Variants in THEM6 observed in about 807,000 individuals in gnomAD.
THEM6 encodes protein THEM6.
In THEM6, 10 loss-of-function variants were observed where a neutral mutation model predicts 13.7. The ratio of observed to expected loss-of-function variants is 0.73; its 90% CI spans 0.45 to 1.24. The LOEUF (loss-of-function observed/expected upper bound fraction) is 1.24. Ranked by LOEUF, THEM6 falls within the 50% of genes most tolerant of loss-of-function variation. THEM6 has a pLI of 0.00. For synonymous variants in THEM6, 161 were observed against 156.0 expected (o/e 1.03, Z -0.24); for missense variants, 317 against 312.6 (o/e 1.01, Z -0.11).
At chr8:142,732,207 T>TA (rs1563822652) in intron 1 of THEM6, among the ~76,000 whole-genome samples, 139 of 91,274 alleles carry the variant, frequency 1.5e-3, no homozygotes, top group South Asian at 3.0e-3. Flanking sequence ...TATATATATA[T>TA]TTTAACTACT....
At chr8:142,733,238 C>A (rs779542938) in intron 1 of THEM6, among the ~76,000 whole-genome samples, 1 of 152,242 alleles carries the variant, frequency 6.6e-6, no homozygotes, top group Non-Finnish European at 1.5e-5. Flanking sequence ...GGAAGAGGAA[C>A]AGGCTATGAC....
rs966532049 is a variant in THEM6, at chr8:142,735,828, A to C, written c.*389A>C. 8.8e-5 allele frequency: 20 copies of C among 228,200 alleles called. No homozygotes were observed. Among genetic ancestry groups the C allele is most frequent in the Non-Finnish European group, 1.6e-4 (18 of 111,084 alleles). 14.1% of individuals were successfully genotyped at this position (228,200 alleles called of 1,614,324 possible). On this transcript the variant is annotated 3_prime_UTR_variant, in exon 2 of 2. Transcript: ENST00000336138. ...CCACTGCAAGGGCCGAGGCAGGGCC[A>C]GACCAGAGCATCCTGGGTACAGGCC...
At chr8:142,733,860 A>G (rs983362976) in intron 1 of THEM6, among the ~76,000 whole-genome samples, 3 of 152,190 alleles carry the variant, frequency 2.0e-5, no homozygotes, top group African/African-American at 7.2e-5. Flanking sequence ...ATTCACATTG[A>G]TGCCATCTGG....
intron 1 of THEM6, chr8:142,734,578 C>G (rs777410242): frequency 6.5e-6 from 1 of 152,700 alleles, no homozygotes; most frequent in Non-Finnish European, 1.5e-5. Context: ...AAGAGCTGGG[C>G]TGGGGTGAGT....
At chr8:142,730,213 G>C (rs1554642815) in intron 1 of THEM6, among the ~76,000 whole-genome samples, 1 of 152,160 alleles carries the variant, frequency 6.6e-6, no homozygotes, top group African/African-American at 2.4e-5. Context: ...TTTCTTGACT[G>C]GAGTGTGGTC....
chr8:142,733,544 C>T (rs927012041), intron 1 of THEM6, among the ~76,000 whole-genome samples: 3 of 152,300 alleles, frequency 2.0e-5, no homozygotes. Context: ...ATTTCCCAGC[C>T]CTCACTCAAA....
rs1261831180 is a variant in THEM6, at chr8:142,732,180, ATATATATATATATATATATATATATATT to A, written c.514-3144_514-3117del. On this transcript the variant is annotated intron_variant, in intron 1 of 1. Transcript: ENST00000336138. ...GTTTTGAATATATATATATATATAT[ATATATATATATATATATATATATATATT>A]TTAACTACTGGAGGTTTGTGTGAGG... Among the ~76,000 whole-genome samples, 25 of 76,784 alleles carry A rather than the reference ATATATATATATATATATATATATATATT, an allele frequency of 3.3e-4. No individual in the cohort carries two copies. In the East Asian group the frequency reaches 4.1e-3, roughly 13 times the overall value. The allele number at this position is 76,784 out of a possible 152,430, so 50.4% of individuals were successfully genotyped here.
At chr8:142,733,577 G>A (rs587609078) in intron 1 of THEM6, among the ~76,000 whole-genome samples, 11 of 152,236 alleles carry the variant, frequency 7.2e-5, no homozygotes, top group Non-Finnish European at 1.3e-4. Flanking sequence ...TGGTTCCAGC[G>A]CCTCTGACAC....
rs782279314 is a variant in THEM6, at chr8:142,727,727, C to T, written c.381C>T (p.Asp127=). 7.0e-7 allele frequency: 1 copy of T among 1,438,576 alleles called. No homozygotes were observed. The highest frequency in any genetic ancestry group is 2.9e-5 in the East Asian group (1 of 34,654). The allele number at this position is 1,438,576 out of a possible 1,614,324, so 89.1% of individuals were successfully genotyped here. A position where few individuals can be genotyped will look rare whatever the true frequency, so the allele number is the denominator to read the frequency against. ...FEVRTRLLGW[D]DRAFYLEARF... ...TGCGCACCCGCCTGCTGGGCTGGGA[C>T]GACCGCGCGTTCTACCTGGAGGCGC... Residue 127 remains aspartate, a synonymous_variant, in exon 1 of 2, where the codon GAC becomes GAT. Transcript: ENST00000336138.
chr8:142,727,902 G>T, intron 1 of THEM6, 43 bp downstream of exon 1: 1 of 1,375,058 alleles, frequency 7.3e-7, no homozygotes, highest in South Asian at 1.7e-5. Context: ...GGCCTTTGTG[G>T]GACCTCCGGG....
intron 1 of THEM6, among the ~76,000 whole-genome samples, chr8:142,729,346 G>C (rs587621039): frequency 4.6e-4 from 70 of 152,220 alleles, no homozygotes; most frequent in African/African-American, 1.7e-3. Context: ...CTCGCCAGCA[G>C]CTTTGCCATG....
rs941674086 is a variant in THEM6 at position 142,727,231 on chromosome 8, C to G, written c.-116C>G. Reference sequence around the variant, plus strand: ...GGCCGCCCTCGCGCTGTGGTTCGCTCCGGGCGCGCTGCGCTCGTGAGTTCC... The same window carrying G: ...GGCCGCCCTCGCGCTGTGGTTCGCTGCGGGCGCGCTGCGCTCGTGAGTTCC... On this transcript the variant is annotated 5_prime_UTR_variant, in exon 1 of 2. Coordinates refer to ENST00000336138, the MANE Select transcript of THEM6 (RefSeq NM_016647.3). 38 of 1,137,710 alleles carry G rather than the reference C, an allele frequency of 3.3e-5. No homozygotes were observed. The highest frequency in any genetic ancestry group is 4.2e-5 in the Non-Finnish European group (36 of 867,072). The allele number at this position is 1,137,710 out of a possible 1,614,324, so 70.5% of individuals were successfully genotyped here.
Position 142,727,369 on chromosome 8 carries a change from T to C in THEM6, c.23T>C (p.Leu8Ser). 1 of 1,520,416 alleles carries C rather than the reference T, an allele frequency of 6.6e-7. No homozygotes were observed. The highest frequency in any genetic ancestry group is 8.8e-7 in the Non-Finnish European group (1 of 1,140,752). The allele number at this position is 1,520,416 out of a possible 1,614,324, so 94.2% of individuals were successfully genotyped here. A position where few individuals can be genotyped will look rare whatever the true frequency, so the allele number is the denominator to read the frequency against. The change falls in exon 1 of 2, where the codon TTG becomes TCG. Residue 8 changes from leucine to serine, a missense_variant. Leu to Ser is a moderately radical substitution (Grantham distance 145). Transcript: ENST00000336138. ...GCTATGCTGGGGCTGCTGGTGGCGT[T>C]GCTGGCCCTGGGGCTCGCTGTCTTT... MLGLLVA[L>S]LALGLAVFAL...
In THEM6 at chr8:142,735,486, G is replaced by C. The variant is rs1038551601; in HGVS notation, c.*47G>C. On this transcript the variant is annotated 3_prime_UTR_variant, in exon 2 of 2. Coordinates refer to ENST00000336138, the MANE Select transcript of THEM6 (RefSeq NM_016647.3). ...CCCTGGCCACCATCCTGGGCCTGGG[G>C]GCTGCCCACAGATGGGCAGTCTCAG... 4 of 1,416,232 alleles carry C rather than the reference G, an allele frequency of 2.8e-6. No homozygotes were observed. The highest frequency in any genetic ancestry group is 2.0e-5 in the Admixed American group (1 of 50,904). The allele number at this position is 1,416,232 out of a possible 1,614,324, so 87.7% of individuals were successfully genotyped here.
Position 142,731,330 on chromosome 8 carries a change from T to C in THEM6, c.513+3471T>C, listed in dbSNP as rs1461465540. On this transcript the variant is annotated intron_variant, in intron 1 of 1. Transcript: ENST00000336138. Reference sequence around the variant, plus strand: ...ATATTTTTTAACCTTTTAATGTAGGTAAAAATCCATATTATGTCTCCTTAT... The same window carrying C: ...ATATTTTTTAACCTTTTAATGTAGGCAAAAATCCATATTATGTCTCCTTAT... Among the ~76,000 whole-genome samples the C allele has an allele frequency of 7.2e-5, 11 of 152,358 alleles. 2 individuals are homozygous for C. The highest frequency in any genetic ancestry group is 7.2e-4 in the Admixed American group (11 of 15,304).
At position 142,727,290 on chromosome 8, in the gene THEM6, C is replaced by T; in HGVS notation, c.-57C>T. ...CTGGCGGGCACCGTAACCAGCGCCG[C>T]GGACACCGGCACCGGCGCCACGGAC... On this transcript the variant is annotated 5_prime_UTR_variant, in exon 1 of 2. Coordinates refer to ENST00000336138, the MANE Select transcript of THEM6 (RefSeq NM_016647.3). 7.1e-7 allele frequency: 1 copy of T among 1,405,352 alleles called. No individual in the cohort carries two copies. Among genetic ancestry groups the T allele is most frequent in the Non-Finnish European group, 9.2e-7 (1 of 1,087,062 alleles). 87.1% of individuals were successfully genotyped at this position (1,405,352 alleles called of 1,614,324 possible). A position where few individuals can be genotyped will look rare whatever the true frequency, so the allele number is the denominator to read the frequency against.
intron 1 of THEM6, among the ~76,000 whole-genome samples, chr8:142,730,433 A>C (rs1334479961): frequency 5.9e-5 from 9 of 152,222 alleles, no homozygotes; most frequent in African/African-American, 2.2e-4. Context: ...TAAATTAAGT[A>C]TATCATTTTT....
At chr8:142,732,915 C>T (rs1402697216) in intron 1 of THEM6, among the ~76,000 whole-genome samples, 4 of 152,012 alleles carry the variant, frequency 2.6e-5, no homozygotes, top group South Asian at 2.1e-4. Flanking sequence ...TCCCCGGTGC[C>T]GTAAAGAAAC....
chr8:142,730,740 TA>T (rs1474207366), intron 1 of THEM6, among the ~76,000 whole-genome samples: 2 of 151,894 alleles, frequency 1.3e-5, no homozygotes, highest in Non-Finnish European at 2.9e-5. Context: ...TTAAACTTAA[TA>T]AAATCTTTTT....
Sources: gnomAD v4.1 joint callset for allele counts (sites outside exome capture counted in the v4.1 genomes callset) on GRCh38, gnomAD v4.1.1 for gene constraint, MANE v1.5 for transcripts, NCBI Gene and HGNC (gene_info 2026-07-23, HGNC 2026-07-21) for gene names.